Variants in MCHR2 observed in about 807,000 individuals in gnomAD.
MCHR2 encodes the protein melanin concentrating hormone receptor 2.
Under a neutral mutation model 24.8 loss-of-function variants are expected in MCHR2, and 15 were observed. The ratio of observed to expected loss-of-function variants is 0.60; its 90% CI spans 0.40 to 0.93. The LOEUF is 0.93. MCHR2 is among the 40% of genes least tolerant of loss of function. The pLI, the probability that MCHR2 is intolerant of heterozygous loss-of-function variation, is 0.00. For missense variants in MCHR2, 386 were observed against 408.7 expected (o/e 0.94, Z 0.48); for synonymous variants, 151 against 147.6 (o/e 1.02, Z -0.17).
intron 1 of MCHR2, among the ~76,000 whole-genome samples, chr6:99,980,897 G>C (rs529499008): frequency 6.6e-6 from 1 of 152,298 alleles, no homozygotes; most frequent in Admixed American, 6.5e-5. Flanking sequence ...ATCCCAGAAG[G>C]ATTGCATGAA....
chr6:99,943,809 A>G (rs773482273), intron 3 of MCHR2, among the ~76,000 whole-genome samples: 1 of 152,206 alleles, frequency 6.6e-6, no homozygotes, highest in Non-Finnish European at 1.5e-5. Flanking sequence ...CTCTTTCTTT[A>G]CAAAGGGGCT....
chr6:99,946,732 G>A (rs1214732653), intron 3 of MCHR2, among the ~76,000 whole-genome samples: 1 of 152,126 alleles, frequency 6.6e-6, no homozygotes, highest in Non-Finnish European at 1.5e-5. Flanking sequence ...TTGAATCAAA[G>A]GAAAAACAGT....
At chr6:99,969,571 T>C (rs1775358512) in intron 1 of MCHR2, among the ~76,000 whole-genome samples, 1 of 151,962 alleles carries the variant, frequency 6.6e-6, no homozygotes, top group Admixed American at 6.6e-5. Context: ...TTTTTTCTTA[T>C]TTTAATATTA....
intron 1 of MCHR2, among the ~76,000 whole-genome samples, chr6:99,992,913 A>AC (rs1047791680): frequency 4.7e-5 from 7 of 150,224 alleles, no homozygotes; most frequent in East Asian, 2.0e-4. Context: ...CAGCATCCCC[A>AC]CCCCCCCATC....
chr6:99,928,924 G>T (rs1036374221), intron 5 of MCHR2, among the ~76,000 whole-genome samples: 34 of 152,116 alleles, frequency 2.2e-4, no homozygotes, highest in African/African-American at 7.5e-4. Flanking sequence ...TTTTAATTGT[G>T]ATGTTAGGGT....
intron 5 of MCHR2, among the ~76,000 whole-genome samples, chr6:99,929,019 G>C (rs1284791499): frequency 6.6e-6 from 1 of 152,122 alleles, no homozygotes; most frequent in Non-Finnish European, 1.5e-5. Flanking sequence ...ATGTGTCCCA[G>C]AGATTCTGGT....
intron 5 of MCHR2, 32 bp from the exon 6 acceptor site, chr6:99,921,287 T>C: frequency 6.3e-7 from 1 of 1,587,158 alleles, no homozygotes; most frequent in South Asian, 1.1e-5. Context: ...AGACAGGGTA[T>C]AAACAACCAT....
intron 5 of MCHR2, among the ~76,000 whole-genome samples, chr6:99,927,442 A>G (rs1183449753): frequency 6.6e-6 from 1 of 152,122 alleles, no homozygotes; most frequent in African/African-American, 2.4e-5. Context: ...GGCCATTTTC[A>G]TGATGTTGAT....
intron 5 of MCHR2, among the ~76,000 whole-genome samples, chr6:99,929,509 A>C (rs1389808347): frequency 6.6e-6 from 1 of 152,072 alleles, no homozygotes; most frequent in Non-Finnish European, 1.5e-5. Flanking sequence ...TTGCTTTATG[A>C]ATCTGGGTGC....
chr6:99,980,066 CTTTG>C (rs1775634647), intron 1 of MCHR2, among the ~76,000 whole-genome samples: 2 of 152,078 alleles, frequency 1.3e-5, no homozygotes, highest in Non-Finnish European at 2.9e-5. Context: ...TGTTAAAGAT[CTTTG>C]TTTAATTTGA....
chr6:99,936,817 A>T (rs1774670713), intron 4 of MCHR2, among the ~76,000 whole-genome samples: 1 of 151,904 alleles, frequency 6.6e-6, no homozygotes, highest in African/African-American at 2.4e-5. Context: ...CTTCCAATTA[A>T]TCAACACGGA....
intron 2 of MCHR2, among the ~76,000 whole-genome samples, chr6:99,951,145 T>C (rs1215181369): frequency 6.6e-6 from 1 of 152,092 alleles, no homozygotes; most frequent in Non-Finnish European, 1.5e-5. Flanking sequence ...GAAAGTGGTG[T>C]TGGGGTGAGG....
intron 4 of MCHR2, among the ~76,000 whole-genome samples, chr6:99,938,663 T>C (rs1774713832): frequency 6.6e-6 from 1 of 152,108 alleles, no homozygotes; most frequent in Non-Finnish European, 1.5e-5. Flanking sequence ...ATTTGCATTC[T>C]GCAACAGTTG....
intron 5 of MCHR2, among the ~76,000 whole-genome samples, chr6:99,929,652 G>T (rs1257740448): frequency 6.6e-6 from 1 of 151,990 alleles, no homozygotes; most frequent in Non-Finnish European, 1.5e-5. Flanking sequence ...CAGAGACTAG[G>T]ATTGCAACCC....
intron 5 of MCHR2, among the ~76,000 whole-genome samples, chr6:99,924,208 G>T (rs1207243375): frequency 3.3e-5 from 5 of 152,054 alleles, no homozygotes; most frequent in African/African-American, 4.8e-5. Context: ...GTTGCTCATG[G>T]TAGCCACTAA....
intron 1 of MCHR2, among the ~76,000 whole-genome samples, chr6:99,963,766 A>G (rs1775242472): frequency 6.6e-6 from 1 of 152,142 alleles, no homozygotes; most frequent in South Asian, 2.1e-4. Flanking sequence ...ATTCCATTCA[A>G]TGTCCTATTG....
chr6:99,988,429 G>A (rs1408907612), intron 1 of MCHR2, among the ~76,000 whole-genome samples: 1 of 152,214 alleles, frequency 6.6e-6, no homozygotes, highest in Non-Finnish European at 1.5e-5. Flanking sequence ...ACATTTTAAA[G>A]AAAGTGCAGT....
chr6:99,922,251 C>G (rs1020790240), intron 5 of MCHR2, among the ~76,000 whole-genome samples: 1 of 151,946 alleles, frequency 6.6e-6, no homozygotes, highest in Non-Finnish European at 1.5e-5. Context: ...GGACTACAGG[C>G]GCCTGCCACC....
intron 2 of MCHR2, among the ~76,000 whole-genome samples, chr6:99,951,036 A>G (rs904201796): frequency 2.0e-5 from 3 of 152,104 alleles, no homozygotes; most frequent in African/African-American, 7.2e-5. Context: ...TCCATGGTCC[A>G]AGATACCAGT....
Sources: gnomAD v4.1 joint callset for allele counts (sites outside exome capture counted in the v4.1 genomes callset) on GRCh38, gnomAD v4.1.1 for gene constraint, MANE v1.5 for transcripts, NCBI Gene and HGNC (gene_info 2026-07-23, HGNC 2026-07-21) for gene names.